The following SCGB1D2 variants were observed in gnomAD, a reference collection of about 807,000 sequenced individuals.
SCGB1D2 encodes lipophilin-B.
SCGB1D2 carries 10 observed loss-of-function variants against 10.5 expected under a neutral mutation model. The ratio of observed to expected loss-of-function variants is 0.95; its 90% CI spans 0.59 to 1.61. SCGB1D2 has a LOEUF of 1.61. Among genes scored for constraint, SCGB1D2 ranks in the 40% most tolerant of loss-of-function variants. SCGB1D2 has a pLI of 0.00. For synonymous variants in SCGB1D2, 42 were observed against 42.8 expected, an observed-to-expected ratio of 0.98 and a Z score of 0.08; for missense variants, 113 against 103.8, an observed-to-expected ratio of 1.09 and a Z score of -0.38.
chr11:62,243,286 C>A lies in SCGB1D2; in HGVS notation c.56-3C>A, dbSNP rs370106308. On this transcript the variant is annotated splice_polypyrimidine_tract_variant and splice_region_variant and intron_variant, in intron 1 of 2. Coordinates refer to ENST00000244926, the MANE Select transcript of SCGB1D2 (RefSeq NM_006551.4). The stretch of plus-strand genomic sequence containing the variant: ...CAACTATATTTTTATTCTTTTGCTG[C>A]AGCCAATGCCGAGTTCTGCCCAGCT... The A allele has an allele frequency of 3.2e-5, 52 of 1,606,404 alleles. No individual in the cohort carries two copies. Among genetic ancestry groups the A allele is most frequent in the Non-Finnish European group, 4.3e-5 (50 of 1,175,912 alleles).
At chr11:62,243,232 C>A in intron 1 of SCGB1D2, 57 bp from the exon 2 acceptor site, 1 of 1,439,542 alleles carries the variant, frequency 6.9e-7, no homozygotes, top group Non-Finnish European at 9.7e-7. Context: ...CGTCAGGGAG[C>A]CAAAGAGAAA....
chr11:62,242,255 G>T lies in SCGB1D2; in HGVS notation c.-53G>T. 6.2e-7 allele frequency: 1 copy of T among 1,601,822 alleles called. No homozygotes were observed. The highest frequency in any genetic ancestry group is 1.1e-5 in the South Asian group (1 of 90,700). ...CAGCTCCACAGGCTCCTGGGGTGGAGTCCAAATCACTCATTGTTTGTGAAA... is the reference window on the plus strand; with the variant it reads ...CAGCTCCACAGGCTCCTGGGGTGGATTCCAAATCACTCATTGTTTGTGAAA... On this transcript the variant is annotated 5_prime_UTR_variant, in exon 1 of 3. Transcript: ENST00000244926.
intron 2 of SCGB1D2, 141 bp downstream of exon 2, chr11:62,243,617 A>C: frequency 1.5e-6 from 1 of 683,176 alleles, no homozygotes; most frequent in Non-Finnish European, 2.5e-6. Flanking sequence ...ACCTGGGGCC[A>C]CAGGGTGGGT....
intron 2 of SCGB1D2, among the ~76,000 whole-genome samples, 157 bp downstream of exon 2, chr11:62,243,633 C>T (rs1224889577): frequency 4.6e-5 from 7 of 152,194 alleles, no homozygotes; most frequent in African/African-American, 7.2e-5. Context: ...TGGGTGCCAC[C>T]ATTTCACCTG....
intron 2 of SCGB1D2, among the ~76,000 whole-genome samples, chr11:62,244,159 C>T (rs1945089483): frequency 6.6e-6 from 1 of 152,218 alleles, no homozygotes; most frequent in Admixed American, 6.5e-5. Flanking sequence ...GCCTGGCTGC[C>T]TCTGAGTTGC....
At position 62,243,342 on chromosome 11, in the gene SCGB1D2, A is replaced by C; in HGVS notation, c.109A>C (p.Ile37Leu). 6.2e-7 allele frequency: 1 copy of C among 1,614,068 alleles called. No homozygotes were observed. The highest frequency in any genetic ancestry group is 8.5e-7 in the Non-Finnish European group (1 of 1,179,942). Residue 37 changes from isoleucine (I) to leucine (L), a missense_variant, in exon 2 of 3, where the codon ATT (isoleucine) becomes CTT (leucine). By Grantham distance (5) the Ile-to-Leu change is conservative (BLOSUM62 2). Transcript: ENST00000244926. ...LVSELLDFFF[I>L]SEPLFKLSLA... Reference sequence around the variant, plus strand: ...TTCTGAGCTGTTAGACTTCTTCTTCATTAGTGAACCTCTGTTCAAGTTAAG... The same window carrying C: ...TTCTGAGCTGTTAGACTTCTTCTTCCTTAGTGAACCTCTGTTCAAGTTAAG...
Position 62,244,764 on chromosome 11 carries a change from T to G in SCGB1D2, c.*65T>G. 1 of 1,362,488 alleles carries G rather than the reference T, an allele frequency of 7.3e-7. No homozygotes were observed. The highest frequency in any genetic ancestry group is 1.2e-5 in the South Asian group (1 of 83,818). 84.4% of individuals were successfully genotyped at this position (1,362,488 alleles called of 1,614,324 possible). Reference sequence around the variant, plus strand: ...TGACACCCTGATCTTCACTGCAGAATGTAAAGGTTTCAACGTCTTGCTTTA... The same window carrying G: ...TGACACCCTGATCTTCACTGCAGAAGGTAAAGGTTTCAACGTCTTGCTTTA... On this transcript the variant is annotated 3_prime_UTR_variant, in exon 3 of 3. Transcript: ENST00000244926.
Position 62,244,688 on chromosome 11 carries a change from T to A in SCGB1D2, c.262T>A (p.Cys88Ser). The A allele has an allele frequency of 6.2e-7, 1 of 1,613,280 alleles. No individual in the cohort carries two copies. The highest frequency in any genetic ancestry group is 8.5e-7 in the Non-Finnish European group (1 of 1,179,474). The change falls in exon 3 of 3, where the codon TGT becomes AGT. Residue 88 changes from cysteine (C) to serine (S), a missense_variant. Coordinates refer to ENST00000244926, the MANE Select transcript of SCGB1D2 (RefSeq NM_006551.4). ...AEVLVKILKKCSV is the reference protein window; with the variant it reads ...AEVLVKILKKSSV ...ATTTTAGGTGAAAATATTGAAGAAA[T>A]GTAGTGTGTGACATGTAAAAACTTT...
intron 2 of SCGB1D2, among the ~76,000 whole-genome samples, chr11:62,243,763 A>G (rs12291101): frequency 0.032 from 4,837 of 152,180 alleles, 272 homozygotes; most frequent in African/African-American, 0.11. Flanking sequence ...GCCCAGGCAG[A>G]AATGGTAAAG....
intron 1 of SCGB1D2, 117 bp downstream of exon 1, chr11:62,242,479 T>C (rs1312928187): frequency 1.1e-6 from 1 of 947,326 alleles, no homozygotes. Context: ...TCCAAACCTT[T>C]TTCTGTGCTT....
At chr11:62,242,444 G>C (rs1156234514) in intron 1 of SCGB1D2, 82 bp downstream of exon 1, 5 of 1,455,076 alleles carry the variant, frequency 3.4e-6, no homozygotes, top group Non-Finnish European at 4.8e-6. Context: ...TCAGGCTGGG[G>C]TTAGGATCTG....
At chr11:62,242,407 C>A (rs1462230587) in intron 1 of SCGB1D2, 45 bp downstream of exon 1, 6 of 1,600,456 alleles carry the variant, frequency 3.7e-6, no homozygotes, top group East Asian at 4.5e-5. Flanking sequence ...CTGGGAAGCA[C>A]CCTCTTCCAA....
At chr11:62,243,520 C>A in intron 2 of SCGB1D2, 44 bp downstream of exon 2, 1 of 1,536,724 alleles carries the variant, frequency 6.5e-7, no homozygotes, top group Non-Finnish European at 8.9e-7. Flanking sequence ...TGGTCAGCTG[C>A]ACAGTATGAA....
rs1305562201 is a variant in SCGB1D2, at chr11:62,242,286, G to A, written c.-22G>A. 1.3e-5 allele frequency: 21 copies of A among 1,613,638 alleles called. No individual in the cohort carries two copies. Among genetic ancestry groups the A allele is most frequent in the Non-Finnish European group, 1.0e-5 (12 of 1,179,772 alleles). On this transcript the variant is annotated 5_prime_UTR_variant, in exon 1 of 3. Transcript: ENST00000244926. ...ATCACTCATTGTTTGTGAAAGCTGAGCTCACAGCAAAACAAGCCACCATGA... is the reference window on the plus strand; with the variant it reads ...ATCACTCATTGTTTGTGAAAGCTGAACTCACAGCAAAACAAGCCACCATGA...
chr11:62,243,537 T>G, intron 2 of SCGB1D2, 61 bp downstream of exon 2: 32 of 1,271,066 alleles, frequency 2.5e-5, no homozygotes, highest in Non-Finnish European at 3.6e-5. Flanking sequence ...TGAAGTGAGG[T>G]CAGCTTGCTG....
chr11:62,244,297 C>T (rs780251680), intron 2 of SCGB1D2, among the ~76,000 whole-genome samples: 1 of 152,090 alleles, frequency 6.6e-6, no homozygotes, highest in African/African-American at 2.4e-5. Flanking sequence ...TCCCAGAAGC[C>T]CTCTCAGCCC....
At chr11:62,242,903 C>T (rs184691157) in intron 1 of SCGB1D2, among the ~76,000 whole-genome samples, 35 of 152,240 alleles carry the variant, frequency 2.3e-4, no homozygotes, top group African/African-American at 7.7e-4. Context: ...GCCTAGGCAA[C>T]GTGGCGAAAC....
chr11:62,243,397 C>T lies in SCGB1D2; in HGVS notation c.164C>T (p.Ala55Val). ...SLAKFDAPPE[A>V]VAAKLGVKRC... ...GCCAAATTTGATGCCCCTCCGGAAGCTGTTGCAGCCAAGTTAGGAGTGAAG... is the reference window on the plus strand; with the variant it reads ...GCCAAATTTGATGCCCCTCCGGAAGTTGTTGCAGCCAAGTTAGGAGTGAAG... The change falls in exon 2 of 3, where the codon GCT becomes GTT. Residue 55 changes from alanine (A) to valine (V), a missense_variant. By Grantham distance (64) the Ala-to-Val change is moderately conservative. Transcript: ENST00000244926. 2 of 1,614,116 alleles carry T rather than the reference C, an allele frequency of 1.2e-6. No homozygotes were observed. The highest frequency in any genetic ancestry group is 1.3e-5 in the African/African-American group (1 of 75,050).
intron 1 of SCGB1D2, among the ~76,000 whole-genome samples, 183 bp downstream of exon 1, chr11:62,242,545 C>A (rs549694739): frequency 2.0e-4 from 31 of 152,338 alleles, no homozygotes; most frequent in African/African-American, 7.2e-4. Context: ...CCAGCACCTA[C>A]GAAGTTTTAT....
Sources: allele counts gnomAD v4.1 joint callset (sites outside exome capture counted in the v4.1 genomes callset), GRCh38; gene constraint gnomAD v4.1.1; transcripts MANE v1.5; gene names NCBI Gene and HGNC (gene_info 2026-07-23, HGNC 2026-07-21).